The following ZBTB7C variants were observed in gnomAD, a reference collection of about 807,000 sequenced individuals.
ZBTB7C encodes the protein zinc finger and BTB domain containing 7C, also known as zinc finger and BTB domain-containing protein 7C.
ZBTB7C carries 8 observed loss-of-function variants against 25.7 expected under a neutral mutation model. The observed-to-expected ratio is 0.31, with a 90% CI of 0.18 to 0.56. ZBTB7C has a LOEUF of 0.56. Ranked by LOEUF, ZBTB7C falls within the 20% of genes least tolerant of loss-of-function variation. The pLI is 0.91. For missense variants in ZBTB7C, 824 were observed against 855.2 expected, an observed-to-expected ratio of 0.96 and a Z score of 0.46; for synonymous variants, 394 against 369.0, an observed-to-expected ratio of 1.07 and a Z score of -0.78.
intron 1 of ZBTB7C, among the ~76,000 whole-genome samples, chr18:48,373,659 C>T (rs1378368739): frequency 6.6e-6 from 1 of 152,172 alleles, no homozygotes; most frequent in African/African-American, 2.4e-5. Context: ...CACATGAGAT[C>T]TGGTTATTTA....
At position 48,286,327 on chromosome 18, in the gene ZBTB7C, A is replaced by G. The variant is rs190959614; in HGVS notation, c.-79+51847T>C. 1.3e-3 allele frequency among the ~76,000 whole-genome samples: 198 copies of G among 152,242 alleles called. 2 individuals are homozygous for G. Among genetic ancestry groups the G allele is most frequent in the African/African-American group, 4.7e-3 (195 of 41,550 alleles). On this transcript the variant is annotated intron_variant, in intron 2 of 4. Transcript: ENST00000590800. ...CTAGAAATAAAACAATGGGATAAAA[A>G]TAGAAAATATTTTGAAAGTACAGAA...
intron 2 of ZBTB7C, among the ~76,000 whole-genome samples, chr18:48,219,701 G>A (rs1485967867): frequency 6.6e-6 from 1 of 152,232 alleles, no homozygotes; most frequent in East Asian, 1.9e-4. Context: ...CAGGTGGCAG[G>A]AGGGAGGAAG....
chr18:48,258,265 T>C (rs954289687), intron 2 of ZBTB7C, among the ~76,000 whole-genome samples: 15 of 152,328 alleles, frequency 9.8e-5, no homozygotes, highest in Admixed American at 4.6e-4. Flanking sequence ...AGCACCCAGA[T>C]TGGAGCAGAA....
At chr18:48,381,572 C>T (rs2047634314) in intron 1 of ZBTB7C, among the ~76,000 whole-genome samples, 1 of 152,134 alleles carries the variant, frequency 6.6e-6, no homozygotes, top group Non-Finnish European at 1.5e-5. Context: ...GTCACAACAA[C>T]GTAACTACTC....
In ZBTB7C at chr18:48,400,422, G is replaced by C. The variant is rs145864225; in HGVS notation, c.-304+8804C>G. 4.7e-4 allele frequency among the ~76,000 whole-genome samples: 71 copies of C among 152,340 alleles called. No homozygotes were observed. The East Asian group carries it at 0.011, about 24-fold the overall frequency. On this transcript the variant is annotated intron_variant, in intron 1 of 4. Coordinates refer to ENST00000590800, the MANE Select transcript of ZBTB7C (RefSeq NM_001318841.2). ...ATGGGGAAACAGGCCCATAAAAGAG[G>C]AATGGTTCCCTGGGGAATAAACTAT...
intron 2 of ZBTB7C, 102 bp downstream of exon 2, chr18:48,338,072 G>A (rs1333673373): frequency 1.3e-5 from 2 of 152,152 alleles, no homozygotes; most frequent in Non-Finnish European, 2.9e-5. Context: ...TGTTTGCATA[G>A]TTATCTTCCC....
At chr18:48,182,622 T>C (rs754070970) in intron 3 of ZBTB7C, among the ~76,000 whole-genome samples, 1 of 152,186 alleles carries the variant, frequency 6.6e-6, no homozygotes, top group Non-Finnish European at 1.5e-5. Context: ...TTCAGCCCCT[T>C]CTACCAGAGG....
At chr18:48,284,807 A>C (rs1448672106) in intron 2 of ZBTB7C, among the ~76,000 whole-genome samples, 2 of 145,920 alleles carry the variant, frequency 1.4e-5, no homozygotes, top group African/African-American at 2.6e-5. Context: ...AAAAAAAAAA[A>C]AAAACAGAGA....
chr18:48,316,372 T>G (rs1201769483), intron 2 of ZBTB7C, among the ~76,000 whole-genome samples: 1 of 152,158 alleles, frequency 6.6e-6, no homozygotes, highest in East Asian at 1.9e-4. Context: ...CCCCAGCCCC[T>G]AGCCTGAGCA....
intron 3 of ZBTB7C, among the ~76,000 whole-genome samples, chr18:48,111,234 A>G (rs1184907033): frequency 2.6e-5 from 4 of 152,094 alleles, no homozygotes; most frequent in Non-Finnish European, 1.5e-5. Context: ...TGGACCCTAG[A>G]ATGGGGGCTC....
chr18:48,091,748 T>G (rs886285050), intron 3 of ZBTB7C, among the ~76,000 whole-genome samples: 3 of 152,154 alleles, frequency 2.0e-5, no homozygotes, highest in Non-Finnish European at 4.4e-5. Flanking sequence ...TACTGATGTT[T>G]TCTGAGTTCT....
chr18:48,342,982 C>A (rs1170306155), intron 1 of ZBTB7C, among the ~76,000 whole-genome samples: 1 of 152,176 alleles, frequency 6.6e-6, no homozygotes, highest in African/African-American at 2.4e-5. Context: ...CCCGACAGTA[C>A]CTGCTGGCTG....
intron 1 of ZBTB7C, among the ~76,000 whole-genome samples, chr18:48,406,104 TG>T (rs796184787): frequency 1.1e-4 from 17 of 152,196 alleles, no homozygotes; most frequent in African/African-American, 4.1e-4. Context: ...ATAAATAGCC[TG>T]GACTCCTTCA....
At chr18:48,319,784 A>T (rs989705096) in intron 2 of ZBTB7C, among the ~76,000 whole-genome samples, 1 of 152,224 alleles carries the variant, frequency 6.6e-6, no homozygotes, top group Admixed American at 6.5e-5. Flanking sequence ...TAATAAAAAC[A>T]ACCAAGTAAA....
At position 48,041,052 on chromosome 18, in the gene ZBTB7C, T is replaced by G; in HGVS notation, c.56A>C (p.Glu19Ala). 6.2e-7 allele frequency: 1 copy of G among 1,611,924 alleles called. No homozygotes were observed. The highest frequency in any genetic ancestry group is 8.5e-7 in the Non-Finnish European group (1 of 1,178,340). The stretch of plus-strand genomic sequence containing the variant: ...TTGCTCATTGAGGCTGCACAGGACC[T>G]CACTGCTGTGGTTGGGGAAGGGAAT... ...IGIPFPNHSS[E>A]VLCSLNEQRH... Residue 19 changes from glutamate (E) to alanine (A), a missense_variant, in exon 4 of 5, where the codon GAG (glutamate) becomes GCG (alanine). This residue lies in a region of ZBTB7C where 117 missense variants were observed against 167.7 expected (regional missense o/e 0.70). Transcript: ENST00000590800.
intron 2 of ZBTB7C, among the ~76,000 whole-genome samples, chr18:48,213,057 C>T (rs1332857415): frequency 6.6e-6 from 1 of 151,718 alleles, no homozygotes; most frequent in Non-Finnish European, 1.5e-5. Flanking sequence ...GCTCCCCCAG[C>T]TTACACCCTC....
intron 2 of ZBTB7C, among the ~76,000 whole-genome samples, chr18:48,280,514 G>T (rs989278998): frequency 1.3e-5 from 2 of 151,956 alleles, no homozygotes; most frequent in African/African-American, 2.4e-5. Flanking sequence ...GCCCCAACCC[G>T]TATCAACACA....
intron 1 of ZBTB7C, among the ~76,000 whole-genome samples, chr18:48,364,681 A>G (rs2047183563): frequency 6.6e-6 from 1 of 152,178 alleles, no homozygotes; most frequent in Non-Finnish European, 1.5e-5. Context: ...ACACAAAAGG[A>G]TACAGTGAAA....
intron 2 of ZBTB7C, among the ~76,000 whole-genome samples, chr18:48,257,795 A>C (rs2044061817): frequency 6.6e-6 from 1 of 152,184 alleles, no homozygotes; most frequent in Non-Finnish European, 1.5e-5. Context: ...TGAAAAAAAA[A>C]AAACTAGGAT....
Sources: allele counts gnomAD v4.1 joint callset (sites outside exome capture counted in the v4.1 genomes callset), GRCh38; gene constraint gnomAD v4.1.1; regional missense constraint gnomAD v4.1.1; transcripts MANE v1.5; gene names NCBI Gene and HGNC (gene_info 2026-07-23, HGNC 2026-07-21).